Variants in LOC400499 observed in about 807,000 individuals in gnomAD.
the LOC400499 span, chr16:11,471,444 T>C: frequency 2.6e-6 from 1 of 387,352 alleles, no homozygotes; most frequent in Non-Finnish European, 4.6e-6. Context: ...ACCCCTGAAC[T>C]GAGACCTAAA....
At chr16:11,412,217 T>C in the LOC400499 span, among the ~76,000 whole-genome samples, 1 of 152,148 alleles carries the variant, frequency 6.6e-6, no homozygotes, top group African/African-American at 2.4e-5. Flanking sequence ...CAGGTTCCTC[T>C]CCACCTCCAT....
chr16:11,513,379 C>A, the LOC400499 span, among the ~76,000 whole-genome samples: 1 of 134,100 alleles, frequency 7.5e-6, no homozygotes, highest in East Asian at 2.0e-4. Flanking sequence ...GCTCTCCAGC[C>A]TGGGCAACAG....
At chr16:11,384,873 G>A in the LOC400499 span, 25 of 1,232,122 alleles carry the variant, frequency 2.0e-5, no homozygotes, top group South Asian at 4.1e-5. Flanking sequence ...CAACCCTCCT[G>A]GGGCCCAGAC....
the LOC400499 span, chr16:11,414,617 A>C: frequency 1.3e-5 from 5 of 398,448 alleles, no homozygotes; most frequent in African/African-American, 1.0e-4. Flanking sequence ...CTCAAACACA[A>C]CACCAGCAGG....
chr16:11,413,012 G>C, the LOC400499 span: 1 of 398,918 alleles, frequency 2.5e-6, no homozygotes. Flanking sequence ...AGCCTCACAG[G>C]CTGGGTGGGG....
At chr16:11,435,833 G>A in the LOC400499 span, 4 of 399,078 alleles carry the variant, frequency 1.0e-5, no homozygotes, top group African/African-American at 8.2e-5. Context: ...CACAGATAGA[G>A]ACCCGTTGAG....
the LOC400499 span, among the ~76,000 whole-genome samples, chr16:11,452,018 G>A: frequency 1.3e-5 from 2 of 152,078 alleles, no homozygotes; most frequent in South Asian, 4.2e-4. Flanking sequence ...AAACCCACCG[G>A]TCTGCACATG....
the LOC400499 span, chr16:11,414,201 C>G: frequency 7.5e-6 from 3 of 397,936 alleles, no homozygotes; most frequent in African/African-American, 2.1e-5. Context: ...ATGAATGAAG[C>G]CTTTGTAAAT....
chr16:11,483,971 A>G, the LOC400499 span, among the ~76,000 whole-genome samples: 1 of 145,930 alleles, frequency 6.9e-6, no homozygotes, highest in Non-Finnish European at 1.5e-5. Context: ...TTCTGGGGAC[A>G]GAGGAGAAGC....
the LOC400499 span, chr16:11,392,825 C>G: frequency 1.0e-6 from 1 of 981,316 alleles, no homozygotes; most frequent in African/African-American, 1.7e-5. Context: ...AACACATCAC[C>G]CCCTACCCCA....
At chr16:11,387,836 C>T in the LOC400499 span, among the ~76,000 whole-genome samples, 5 of 152,080 alleles carry the variant, frequency 3.3e-5, no homozygotes, top group African/African-American at 9.7e-5. Flanking sequence ...ATTGGCCAGG[C>T]TAGTCTCAAA....
chr16:11,415,365 A>G, the LOC400499 span, among the ~76,000 whole-genome samples: 2 of 152,216 alleles, frequency 1.3e-5, no homozygotes, highest in African/African-American at 4.8e-5. Context: ...AGTGACACTC[A>G]GCCAGGCTCC....
At chr16:11,476,858 C>T in the LOC400499 span, 23 of 399,562 alleles carry the variant, frequency 5.8e-5, no homozygotes, top group South Asian at 1.3e-4. Context: ...TCCAGGCTGG[C>T]GGCGCTGCGG....
the LOC400499 span, among the ~76,000 whole-genome samples, chr16:11,408,922 C>T: frequency 6.6e-6 from 1 of 151,848 alleles, no homozygotes; most frequent in Non-Finnish European, 1.5e-5. Flanking sequence ...TGGGTATGCA[C>T]TGTAAAATTA....
chr16:11,431,246 G>A, the LOC400499 span: 1 of 398,952 alleles, frequency 2.5e-6, no homozygotes, highest in Non-Finnish European at 4.4e-6. Flanking sequence ...AGCGAAGTAA[G>A]GGGGTTAAGA....
At chr16:11,446,450 A>T in the LOC400499 span, 1 of 1,118,908 alleles carries the variant, frequency 8.9e-7, no homozygotes, top group Non-Finnish European at 1.3e-6. Context: ...GAGCCACTGC[A>T]CTCAGTCCAG....
the LOC400499 span, chr16:11,404,706 T>G: frequency 2.5e-6 from 1 of 398,876 alleles, no homozygotes; most frequent in Non-Finnish European, 4.4e-6. Flanking sequence ...ACACTCACCC[T>G]GCAGGCTGAG....
At chr16:11,386,546 T>A in the LOC400499 span, among the ~76,000 whole-genome samples, 14 of 152,122 alleles carry the variant, frequency 9.2e-5, no homozygotes, top group African/African-American at 2.7e-4. Flanking sequence ...GGTACCGGGG[T>A]TCCCCCATAG....
chr16:11,500,093 A>T, the LOC400499 span, among the ~76,000 whole-genome samples: 1 of 152,204 alleles, frequency 6.6e-6, no homozygotes, highest in South Asian at 2.1e-4. Context: ...TTATAAATAT[A>T]ATAGCTCTGA....
Sources: gnomAD v4.1 joint callset for allele counts (sites outside exome capture counted in the v4.1 genomes callset) on GRCh38, gnomAD v4.1.1 for gene constraint, MANE v1.5 for transcripts.